The following AGBL4 variants were observed in gnomAD, a reference collection of about 807,000 sequenced individuals.
AGBL4 encodes AGBL carboxypeptidase 4.
AGBL4 carries 58 observed loss-of-function variants against 66.4 expected under a neutral mutation model. That is an observed-to-expected ratio of 0.87 (90% CI 0.71 to 1.09). The LOEUF is 1.09. Ranked by LOEUF, AGBL4 falls within the 50% of genes least tolerant of loss-of-function variation. The pLI is 0.00. For synonymous variants in AGBL4, 234 were observed against 222.9 expected, an observed-to-expected ratio of 1.05 and a Z score of -0.44; for missense variants, 579 against 631.0, an observed-to-expected ratio of 0.92 and a Z score of 0.88.
intron 4 of AGBL4, among the ~76,000 whole-genome samples, chr1:49,083,370 C>T (rs1210325454): frequency 6.6e-6 from 1 of 152,250 alleles, no homozygotes; most frequent in African/African-American, 2.4e-5. Flanking sequence ...CATTTCCATA[C>T]ATCCTGTGAA....
intron 5 of AGBL4, among the ~76,000 whole-genome samples, chr1:48,975,933 T>C (rs953549167): frequency 6.6e-6 from 1 of 152,088 alleles, no homozygotes; most frequent in Non-Finnish European, 1.5e-5. Flanking sequence ...ATAATAGTAA[T>C]GGGGAATCTT....
chr1:49,172,661 A>G (rs1646759887), intron 4 of AGBL4, among the ~76,000 whole-genome samples: 1 of 152,196 alleles, frequency 6.6e-6, no homozygotes, highest in African/African-American at 2.4e-5. Flanking sequence ...TAATAAATTT[A>G]GATGAAGCAC....
At chr1:49,705,412 A>C (rs190074293) in intron 2 of AGBL4, among the ~76,000 whole-genome samples, 2 of 151,288 alleles carry the variant, frequency 1.3e-5, no homozygotes, top group Non-Finnish European at 3.0e-5. Context: ...AATACGCTTT[A>C]TTTCTTTCTC....
At chr1:49,667,194 C>T (rs182877186) in intron 3 of AGBL4, among the ~76,000 whole-genome samples, 94 of 152,226 alleles carry the variant, frequency 6.2e-4, no homozygotes, top group African/African-American at 2.2e-3. Flanking sequence ...CATGGTAGCT[C>T]ATGCCTGTAA....
intron 3 of AGBL4, among the ~76,000 whole-genome samples, chr1:49,584,677 G>C (rs1644613406): frequency 1.3e-5 from 2 of 152,114 alleles, no homozygotes; most frequent in Admixed American, 6.6e-5. Context: ...ACAATATTAT[G>C]AATATGAAAT....
chr1:49,259,050 C>T (rs1411341389), intron 3 of AGBL4, among the ~76,000 whole-genome samples: 2 of 152,006 alleles, frequency 1.3e-5, no homozygotes, highest in Non-Finnish European at 2.9e-5. Flanking sequence ...CATATCCAGC[C>T]AAACTAAGAT....
At chr1:49,479,084 C>T (rs1646902293) in intron 3 of AGBL4, among the ~76,000 whole-genome samples, 1 of 151,946 alleles carries the variant, frequency 6.6e-6, no homozygotes, top group African/African-American at 2.4e-5. Context: ...AAGAGAAGAC[C>T]TCAAAACAAC....
chr1:49,440,069 CTTTTTT>C (rs34024621), intron 3 of AGBL4, among the ~76,000 whole-genome samples: 6 of 123,542 alleles, frequency 4.9e-5, no homozygotes, highest in African/African-American at 1.3e-4. Context: ...AAGGACTCTA[CTTTTTT>C]TTTTTTTTTT....
At chr1:48,629,607 C>T (rs1171539012) in intron 9 of AGBL4, among the ~76,000 whole-genome samples, 1 of 152,086 alleles carries the variant, frequency 6.6e-6, no homozygotes, top group African/African-American at 2.4e-5. Context: ...TGAGTGAACC[C>T]TTGATGGCCA....
chr1:48,712,405 C>T (rs1003695749), intron 6 of AGBL4, among the ~76,000 whole-genome samples: 1 of 152,158 alleles, frequency 6.6e-6, no homozygotes, highest in African/African-American at 2.4e-5. Context: ...GGACCCTGAG[C>T]ATATCATTTC....
intron 1 of AGBL4, among the ~76,000 whole-genome samples, chr1:49,876,903 T>C (rs1320260354): frequency 6.6e-6 from 1 of 151,072 alleles, no homozygotes; most frequent in Non-Finnish European, 1.5e-5. Context: ...CCTAGGTATT[T>C]TATTCTCTTT....
intron 3 of AGBL4, among the ~76,000 whole-genome samples, chr1:49,262,839 T>C (rs1653335261): frequency 6.6e-6 from 1 of 152,184 alleles, no homozygotes; most frequent in African/African-American, 2.4e-5. Context: ...CATGCTGTTA[T>C]AAAGACACAT....
intron 1 of AGBL4, among the ~76,000 whole-genome samples, chr1:49,948,103 T>G (rs1447073922): frequency 1.1e-5 from 1 of 92,032 alleles, no homozygotes; most frequent in Non-Finnish European, 1.9e-5. Flanking sequence ...TATATGTATA[T>G]ATATGTAAAT....
chr1:49,725,965 T>C (rs1648996205), intron 2 of AGBL4, among the ~76,000 whole-genome samples: 2 of 152,122 alleles, frequency 1.3e-5, no homozygotes, highest in South Asian at 4.1e-4. Context: ...ACTAAATAAA[T>C]ACTGGATGCT....
chr1:50,004,530 G>A (rs1381237910), intron 1 of AGBL4, among the ~76,000 whole-genome samples: 2 of 152,142 alleles, frequency 1.3e-5, no homozygotes, highest in Non-Finnish European at 2.9e-5. Flanking sequence ...CAGAGGAGAG[G>A]AGAAGGAAGG....
At chr1:48,974,322 T>C (rs1460991430) in intron 5 of AGBL4, among the ~76,000 whole-genome samples, 2 of 152,158 alleles carry the variant, frequency 1.3e-5, no homozygotes, top group Non-Finnish European at 2.9e-5. Flanking sequence ...CTGAGCTTTT[T>C]GTGAGGGCAG....
intron 2 of AGBL4, among the ~76,000 whole-genome samples, chr1:49,793,112 C>A (rs1490353108): frequency 6.6e-6 from 1 of 151,942 alleles, no homozygotes; most frequent in African/African-American, 2.4e-5. Flanking sequence ...CTCTTCATCA[C>A]CTGATATTTA....
intron 3 of AGBL4, among the ~76,000 whole-genome samples, chr1:49,511,979 T>C (rs963750735): frequency 2.6e-5 from 4 of 152,048 alleles, no homozygotes; most frequent in African/African-American, 9.7e-5. Context: ...GCCCTCTGCA[T>C]GGATCATCAT....
At chr1:48,909,293 G>A (rs1253698008) in intron 5 of AGBL4, among the ~76,000 whole-genome samples, 2 of 152,028 alleles carry the variant, frequency 1.3e-5, no homozygotes, top group Admixed American at 1.3e-4. Context: ...TGCTGGTCAC[G>A]GTTCTGTCTG....
Sources: gnomAD v4.1 joint callset for allele counts (sites outside exome capture counted in the v4.1 genomes callset) on GRCh38, gnomAD v4.1.1 for gene constraint, MANE v1.5 for transcripts, NCBI Gene and HGNC (gene_info 2026-07-23, HGNC 2026-07-21) for gene names.